SNTB2: variants seen among roughly 807,000 people sequenced by gnomAD.
The protein encoded by SNTB2 is beta-2-syntrophin.
In SNTB2, 34 loss-of-function variants were observed where a neutral mutation model predicts 46.2. The ratio of observed to expected loss-of-function variants is 0.74; its 90% confidence interval spans 0.56 to 0.98. SNTB2 has a LOEUF of 0.98. Ranked by LOEUF, SNTB2 falls within the 50% of genes least tolerant of loss-of-function variation. The pLI is 0.00. For missense variants in SNTB2, 603 were observed against 731.4 expected, an observed-to-expected ratio of 0.82 and a Z score of 2.02; for synonymous variants, 290 against 312.6, an observed-to-expected ratio of 0.93 and a Z score of 0.76.
intron 1 of SNTB2, among the ~76,000 whole-genome samples, chr16:69,235,240 A>G (rs111322138): frequency 3.2e-4 from 48 of 152,112 alleles, no homozygotes; most frequent in African/African-American, 1.0e-3. Flanking sequence ...CCGGACTTCA[A>G]CTTGGTTCCG....
intron 2 of SNTB2, among the ~76,000 whole-genome samples, chr16:69,259,460 C>T (rs2143087307): frequency 6.6e-6 from 1 of 151,878 alleles, no homozygotes; most frequent in South Asian, 2.1e-4. Flanking sequence ...GCCTCAAACT[C>T]CTGACCTCAG....
rs1407619947 is a variant in SNTB2 at position 69,191,222 on chromosome 16, A to G, written c.580+3476A>G. On this transcript the variant is annotated intron_variant, in intron 1 of 6. Transcript: ENST00000336278. ...CTCACTGCTTCACTTGACTAGCTTT[A>G]AAAAAAAAAAAAGAAAGAAAGAAAA... 14 of 131,192 alleles carry G rather than the reference A, an allele frequency of 1.1e-4. No individual in the cohort carries two copies. In the East Asian group the frequency reaches 2.8e-3, roughly 26 times the overall value. 8.1% of individuals were successfully genotyped at this position (131,192 alleles called of 1,614,324 possible). A position where few individuals can be genotyped will look rare whatever the true frequency, so the allele number is the denominator to read the frequency against.
At chr16:69,228,150 A>G (rs1964476188) in intron 1 of SNTB2, among the ~76,000 whole-genome samples, 1 of 152,150 alleles carries the variant, frequency 6.6e-6, no homozygotes, top group Non-Finnish European at 1.5e-5. Flanking sequence ...TACTTTTATT[A>G]GTTAAGCTTC....
intron 4 of SNTB2, among the ~76,000 whole-genome samples, chr16:69,280,374 G>C (rs1397808015): frequency 6.6e-6 from 1 of 152,212 alleles, no homozygotes; most frequent in Non-Finnish European, 1.5e-5. Context: ...ATGAGCTGTT[G>C]GGTACACCTC....
rs1964926469 is a variant in SNTB2, at chr16:69,270,386, A to G, written c.1148+101A>G. ...TGTTATCTTAGGTGCCTAAAAGAGC[A>G]TTTAAGTAGCGGATATAGTTGATGC... On this transcript the variant is annotated intron_variant, in intron 4 of 6. Transcript: ENST00000336278. 2.1e-6 allele frequency: 3 copies of G among 1,434,970 alleles called. No homozygotes were observed. In the Admixed American group the frequency reaches 6.2e-5, roughly 30 times the overall value. 88.9% of individuals were successfully genotyped at this position (1,434,970 alleles called of 1,614,324 possible). A position where few individuals can be genotyped will look rare whatever the true frequency, so the allele number is the denominator to read the frequency against.
chr16:69,214,014 G>A (rs1481635384), intron 1 of SNTB2, among the ~76,000 whole-genome samples: 1 of 149,172 alleles, frequency 6.7e-6, no homozygotes, highest in African/African-American at 2.5e-5. Flanking sequence ...TAGTAGAGAT[G>A]GAGTTTCACC....
At chr16:69,285,356 CTTTTTTTTTT>C (rs199516210) in intron 5 of SNTB2, among the ~76,000 whole-genome samples, 1 of 131,822 alleles carries the variant, frequency 7.6e-6, no homozygotes, top group Non-Finnish European at 1.6e-5. Flanking sequence ...GTTCATCTCT[CTTTTTTTTTT>C]TTTTTTTTTA....
intron 4 of SNTB2, among the ~76,000 whole-genome samples, chr16:69,276,239 A>T (rs1032290435): frequency 6.6e-6 from 1 of 151,966 alleles, no homozygotes; most frequent in Non-Finnish European, 1.5e-5. Flanking sequence ...TAGAATGTGG[A>T]ATATTGAGTA....
chr16:69,293,758 A>T (rs763698380), intron 5 of SNTB2, among the ~76,000 whole-genome samples: 9 of 152,214 alleles, frequency 5.9e-5, no homozygotes, highest in Non-Finnish European at 1.0e-4. Context: ...AGTAGTAATC[A>T]ATCTTTTACA....
rs1432792531 is a variant in SNTB2 at position 69,307,696 on chromosome 16, TA to T, written c.*6774del. 6.6e-6 allele frequency: 1 copy of T among 150,810 alleles called. No individual in the cohort carries two copies. Among genetic ancestry groups the T allele is most frequent in the African/African-American group, 2.4e-5 (1 of 40,904 alleles). 9.3% of individuals were successfully genotyped at this position (150,810 alleles called of 1,614,324 possible). On this transcript the variant is annotated 3_prime_UTR_variant, in exon 7 of 7. Coordinates refer to ENST00000336278, the MANE Select transcript of SNTB2 (RefSeq NM_006750.4). Reference sequence around the variant, plus strand: ...GATCAAAATGAAGATATTTAAAAATTAACAAAATCAGGCCAAGGCAGGAGGA... The same window carrying T: ...GATCAAAATGAAGATATTTAAAAATTACAAAATCAGGCCAAGGCAGGAGGA...
intron 5 of SNTB2, among the ~76,000 whole-genome samples, chr16:69,286,035 C>T (rs1056040160): frequency 3.9e-5 from 6 of 151,996 alleles, no homozygotes; most frequent in Non-Finnish European, 8.8e-5. Context: ...TCAGGTGATC[C>T]ACCGACCTCA....
intron 4 of SNTB2, among the ~76,000 whole-genome samples, chr16:69,282,946 A>T (rs1965064276): frequency 6.6e-6 from 1 of 152,074 alleles, no homozygotes; most frequent in South Asian, 2.1e-4. Context: ...ATAATTGCTT[A>T]TCAGTTTTAG....
At chr16:69,247,721 A>T (rs1314415391) in intron 2 of SNTB2, among the ~76,000 whole-genome samples, 1 of 152,172 alleles carries the variant, frequency 6.6e-6, no homozygotes, top group Non-Finnish European at 1.5e-5. Flanking sequence ...AAAAAAAGGG[A>T]TAATGGTACT....
intron 5 of SNTB2, among the ~76,000 whole-genome samples, chr16:69,285,462 T>G (rs1965093773): frequency 7.2e-6 from 1 of 139,560 alleles, no homozygotes; most frequent in Non-Finnish European, 1.5e-5. Context: ...TCTATTTATT[T>G]ATTTATTTAT....
intron 5 of SNTB2, among the ~76,000 whole-genome samples, chr16:69,295,367 A>G (rs1249942507): frequency 6.8e-6 from 1 of 147,590 alleles, no homozygotes; most frequent in Non-Finnish European, 1.5e-5. Flanking sequence ...CTCCTGCCTC[A>G]GCCTCCCGAG....
intron 4 of SNTB2, among the ~76,000 whole-genome samples, chr16:69,274,991 T>A (rs1230418587): frequency 2.6e-5 from 4 of 151,910 alleles, no homozygotes; most frequent in Non-Finnish European, 5.9e-5. Context: ...TCCCTTTCCT[T>A]TTTCTTCCCC....
chr16:69,216,239 A>C, intron 1 of SNTB2, among the ~76,000 whole-genome samples: 1 of 152,220 alleles, frequency 6.6e-6, no homozygotes. Context: ...GAAATCCATG[A>C]AAATGTCAAG....
At chr16:69,278,889 AGTGT>A (rs71148981) in intron 4 of SNTB2, among the ~76,000 whole-genome samples, 24,756 of 140,776 alleles carry the variant, frequency 0.18, 2,043 homozygotes, top group Middle Eastern at 0.22. Flanking sequence ...AGGTGGGAAG[AGTGT>A]GTGTGTGTGT....
At chr16:69,238,269 G>T (rs1390493254) in intron 1 of SNTB2, among the ~76,000 whole-genome samples, 1 of 152,148 alleles carries the variant, frequency 6.6e-6, no homozygotes, top group Non-Finnish European at 1.5e-5. Context: ...GAAAGTCACT[G>T]CTCCTCTCAC....
Sources: gnomAD v4.1 joint callset for allele counts (sites outside exome capture counted in the v4.1 genomes callset) on GRCh38, gnomAD v4.1.1 for gene constraint, MANE v1.5 for transcripts, NCBI Gene and HGNC (gene_info 2026-07-23, HGNC 2026-07-21) for gene names.